ZC3H12B: variants seen among roughly 807,000 people sequenced by gnomAD.
ZC3H12B encodes probable ribonuclease ZC3H12B.
In ZC3H12B, 7 loss-of-function variants were observed where a neutral mutation model predicts 43.9. That is an observed-to-expected ratio of 0.16 (90% CI 0.09 to 0.30). The LOEUF (loss-of-function observed/expected upper bound fraction) is 0.30. Among genes scored for constraint, ZC3H12B ranks in the 10% least tolerant of loss-of-function variants. The pLI is 1.00. For missense variants in ZC3H12B, 475 were observed against 670.2 expected (o/e 0.71, Z 3.22); for synonymous variants, 222 against 241.7 (o/e 0.92, Z 0.76).
chrX:65,250,788 G>GT, the ZC3H12B span, among the ~76,000 whole-genome samples: 2 of 111,574 alleles, frequency 1.8e-5, no homozygotes, highest in Admixed American at 9.5e-5. Context: ...GGGGTTGTTT[G>GT]TTTTTTTCTT....
rs996702152 is a variant in ZC3H12B, at chrX:65,388,225, C to T, written n.296-10368C>T. ...TGGGGAACTTCTCCTGGATAATATC[C>T]TGCAGAGTGTTTTCCAACTTGGTTC... On this transcript the variant is annotated intron_variant and non_coding_transcript_variant, in intron 2 of 5. Transcript: ENST00000617377. 3.6e-5 allele frequency among the ~76,000 whole-genome samples: 4 copies of T among 112,180 alleles called. No homozygotes were observed. The Admixed American group carries it at 3.8e-4, about 11-fold the overall frequency.
chrX:65,133,785 G>T, the ZC3H12B span, among the ~76,000 whole-genome samples: 1 of 110,321 alleles, frequency 9.1e-6, no homozygotes, highest in African/African-American at 3.3e-5. Context: ...AGGACTCAGA[G>T]GTTGGGGTGG....
At chrX:65,458,085 TAA>T (rs59738258) in intron 3 of ZC3H12B, among the ~76,000 whole-genome samples, 11 of 49,063 alleles carry the variant, frequency 2.2e-4, no homozygotes, top group Non-Finnish European at 2.7e-4. Flanking sequence ...AAAAAAAAAT[TAA>T]AAAAAAAAAA....
At chrX:65,408,570 G>A in intron 3 of ZC3H12B, 1 of 1,180,391 alleles carries the variant, frequency 8.5e-7, no homozygotes, top group Non-Finnish European at 1.1e-6. Flanking sequence ...GGCAGTGCCG[G>A]TCTTCTTGCA....
the ZC3H12B span, among the ~76,000 whole-genome samples, chrX:65,281,642 TC>T: frequency 8.9e-6 from 1 of 111,952 alleles, no homozygotes; most frequent in Non-Finnish European, 1.9e-5. Context: ...GAAACTAGAC[TC>T]CCACCTCTTA....
the ZC3H12B span, among the ~76,000 whole-genome samples, chrX:65,319,670 C>T: frequency 2.7e-5 from 3 of 110,804 alleles, no homozygotes; most frequent in East Asian, 5.7e-4. Flanking sequence ...CACAGAAATC[C>T]TCAACAAAAT....
At chrX:65,497,392 A>G in intron 2 of ZC3H12B, 121 bp downstream of exon 7, 1 of 628,945 alleles carries the variant, frequency 1.6e-6, no homozygotes, top group South Asian at 6.1e-5. Context: ...AAGTATTTTT[A>G]TTAAGCATAT....
intron 2 of ZC3H12B, among the ~76,000 whole-genome samples, chrX:65,374,643 G>T (rs1201570789): frequency 9.1e-6 from 1 of 110,363 alleles, no homozygotes; most frequent in Non-Finnish European, 1.9e-5. Flanking sequence ...AATAGGCACT[G>T]TATTAGTCCA....
the ZC3H12B span, among the ~76,000 whole-genome samples, chrX:65,287,578 TAGTG>T: frequency 9.0e-6 from 1 of 110,577 alleles, no homozygotes; most frequent in Non-Finnish European, 1.9e-5. Flanking sequence ...CTGCTCAACA[TAGTG>T]AGACCCCATC....
At chrX:65,199,777 ATTT>A in the ZC3H12B span, among the ~76,000 whole-genome samples, 321 of 92,628 alleles carry the variant, frequency 3.5e-3, 4 homozygotes, top group African/African-American at 0.012. Flanking sequence ...ACATGATCTC[ATTT>A]TTTTTTTTTT....
intron 3 of ZC3H12B, among the ~76,000 whole-genome samples, chrX:65,450,280 G>C (rs1324983870): frequency 1.1e-5 from 1 of 94,564 alleles, no homozygotes; most frequent in Non-Finnish European, 2.1e-5. Context: ...TTCCAGCCTG[G>C]GCGACAGAGC....
chrX:65,152,683 C>A, the ZC3H12B span, among the ~76,000 whole-genome samples: 5 of 111,082 alleles, frequency 4.5e-5, no homozygotes, highest in Non-Finnish European at 7.5e-5. Flanking sequence ...AGATTCAATG[C>A]CATCCCCATC....
chrX:65,390,124 G>A (rs2066591473), intron 2 of ZC3H12B, among the ~76,000 whole-genome samples: 2 of 111,342 alleles, frequency 1.8e-5, no homozygotes, highest in South Asian at 7.5e-4. Context: ...GATGAAGATG[G>A]AAACCATCAT....
chrX:65,360,657 T>C, the ZC3H12B span, among the ~76,000 whole-genome samples: 1 of 112,531 alleles, frequency 8.9e-6, no homozygotes. Flanking sequence ...AAGTTAATCA[T>C]ACAACTACCA....
intron 3 of ZC3H12B, among the ~76,000 whole-genome samples, chrX:65,433,667 C>A (rs1331860240): frequency 1.2e-4 from 13 of 111,900 alleles, no homozygotes; most frequent in African/African-American, 4.2e-4. Context: ...GTCTAGTAGT[C>A]GCTGGAAAGT....
chrX:65,480,334 G>T (rs190205384), intron 3 of ZC3H12B, among the ~76,000 whole-genome samples: 1 of 112,303 alleles, frequency 8.9e-6, no homozygotes, highest in East Asian at 2.8e-4. Flanking sequence ...AAACAAGCTG[G>T]TATTAATGTT....
chrX:65,226,359 C>T, the ZC3H12B span, among the ~76,000 whole-genome samples: 14 of 111,188 alleles, frequency 1.3e-4, no homozygotes, highest in Non-Finnish European at 2.3e-4. Flanking sequence ...CCTAAAAGAG[C>T]GCCTGAAGGA....
the ZC3H12B span, among the ~76,000 whole-genome samples, chrX:65,279,619 T>A: frequency 1.8e-5 from 2 of 111,541 alleles, no homozygotes; most frequent in Non-Finnish European, 3.8e-5. Flanking sequence ...ATAAAAACTC[T>A]GGAAGACAAC....
At chrX:65,289,022 T>C in the ZC3H12B span, among the ~76,000 whole-genome samples, 1 of 110,707 alleles carries the variant, frequency 9.0e-6, no homozygotes, top group African/African-American at 3.3e-5. Flanking sequence ...TACTTAAGAA[T>C]AAATTTAATA....
Sources: allele counts gnomAD v4.1 joint callset (sites outside exome capture counted in the v4.1 genomes callset), GRCh38; gene constraint gnomAD v4.1.1; transcripts MANE v1.5; gene names NCBI Gene and HGNC (gene_info 2026-07-23, HGNC 2026-07-21).